The following MFN1 variants were observed in gnomAD, a reference collection of about 807,000 sequenced individuals.
The protein encoded by MFN1 is mitofusin-1.
MFN1 carries 65 observed loss-of-function variants against 92.4 expected under a neutral mutation model. The ratio of observed to expected loss-of-function variants is 0.70; its 90% confidence interval spans 0.58 to 0.86. The LOEUF (loss-of-function observed/expected upper bound fraction) is 0.86, where lower values mean the gene tolerates loss of function less well. Among genes scored for constraint, MFN1 ranks in the 40% least tolerant of loss-of-function variants. MFN1 has a pLI of 0.00. For synonymous variants in MFN1, 297 were observed against 300.9 expected, an observed-to-expected ratio of 0.99 and a Z score of 0.13; for missense variants, 781 against 868.0, an observed-to-expected ratio of 0.90 and a Z score of 1.26.
intron 9 of MFN1, among the ~76,000 whole-genome samples, chr3:179,371,036 C>T (rs1030089426): frequency 4.6e-5 from 7 of 151,956 alleles, no homozygotes; most frequent in Non-Finnish European, 8.8e-5. Flanking sequence ...TTTTTGTAGT[C>T]GTGCAAGATT....
At chr3:179,351,842 A>G (rs1712158238) in intron 2 of MFN1, 58 bp from the exon 3 acceptor site, 1 of 1,503,474 alleles carries the variant, frequency 6.7e-7, no homozygotes, top group Non-Finnish European at 9.1e-7. Context: ...GTATTCCATT[A>G]TATAACTAAC....
intron 3 of MFN1, among the ~76,000 whole-genome samples, chr3:179,352,639 T>C (rs1712191697): frequency 6.6e-6 from 1 of 152,254 alleles, no homozygotes; most frequent in Non-Finnish European, 1.5e-5. Flanking sequence ...AGGCAGCTTA[T>C]GTAAATCTCT....
At chr3:179,389,564 T>G (rs773326145) in intron 16 of MFN1, among the ~76,000 whole-genome samples, 11 of 152,200 alleles carry the variant, frequency 7.2e-5, no homozygotes, top group Non-Finnish European at 1.6e-4. Flanking sequence ...AATATAATGT[T>G]TGCCAAAGTT....
intron 10 of MFN1, among the ~76,000 whole-genome samples, chr3:179,376,064 C>T (rs1252267896): frequency 6.6e-6 from 1 of 152,230 alleles, no homozygotes; most frequent in Non-Finnish European, 1.5e-5. Flanking sequence ...CGCATCAAAG[C>T]TTAAGTCCAA....
At chr3:179,375,730 A>G (rs916551673) in intron 10 of MFN1, among the ~76,000 whole-genome samples, 1 of 152,194 alleles carries the variant, frequency 6.6e-6, no homozygotes, top group Non-Finnish European at 1.5e-5. Context: ...ATACATTGGT[A>G]TTTTGAAATC....
At position 179,348,890 on chromosome 3, in the gene MFN1, G is replaced by C. The variant is rs1243394839; in HGVS notation, c.39G>C (p.Leu13=). Reference sequence around the variant, plus strand: ...TTTCTCCACTGAAGCACTTTGTGCTGGCTAAGAAGGCGATTACTGCAATCT... The same window carrying C: ...TTTCTCCACTGAAGCACTTTGTGCTCGCTAAGAAGGCGATTACTGCAATCT... ...EPVSPLKHFV[L]AKKAITAIFD... is the part of the protein sequence containing the mutation. The change falls in exon 2 of 18, where the codon CTG becomes CTC. Residue 13 remains leucine, a synonymous_variant. Transcript: ENST00000471841. 1 of 1,607,796 alleles carries C rather than the reference G, an allele frequency of 6.2e-7. No homozygotes were observed. Among genetic ancestry groups the C allele is most frequent in the African/African-American group, 1.3e-5 (1 of 74,990 alleles).
At chr3:179,372,034 T>TTA (rs1041648717) in intron 9 of MFN1, among the ~76,000 whole-genome samples, 1 of 146,904 alleles carries the variant, frequency 6.8e-6, no homozygotes, top group South Asian at 2.1e-4. Context: ...AAGACATGTA[T>TTA]TATATATATT....
At chr3:179,388,073 G>T (rs529177131) in intron 16 of MFN1, among the ~76,000 whole-genome samples, 2 of 149,552 alleles carry the variant, frequency 1.3e-5, no homozygotes, top group African/African-American at 4.9e-5. Context: ...TTTTTTAGTA[G>T]AGCCAAGGTT....
chr3:179,357,310 A>C (rs1302331923), intron 3 of MFN1, among the ~76,000 whole-genome samples: 1 of 152,218 alleles, frequency 6.6e-6, no homozygotes, highest in African/African-American at 2.4e-5. Context: ...ATTTCTGTCC[A>C]GACCCCGGCA....
At chr3:179,359,251 G>A (rs1172288166) in intron 4 of MFN1, among the ~76,000 whole-genome samples, 1 of 151,928 alleles carries the variant, frequency 6.6e-6, no homozygotes, top group African/African-American at 2.4e-5. Context: ...CTCCCAAGTA[G>A]CTGGGACTAC....
chr3:179,370,389 G>GTTTTTTTTTT (rs1354406941), intron 9 of MFN1, among the ~76,000 whole-genome samples: 3 of 96,776 alleles, frequency 3.1e-5, no homozygotes, highest in African/African-American at 7.5e-5. Flanking sequence ...CATTCACTAA[G>GTTTTTTTTTT]TTCTTTTTTT....
Position 179,386,519 on chromosome 3 carries a change from C to T in MFN1, c.1902C>T (p.Thr634=), listed in dbSNP as rs2108558292. ...ALYLYERLSW[T]THAKERAFKQ... ...ATCTTTATGAAAGACTGAGCTGGAC[C>T]ACCCATGCCAAGGAGCGAGCCTTTA... Residue 634 remains threonine, a synonymous_variant, in exon 16 of 18, where the codon ACC becomes ACT. Coordinates refer to ENST00000471841, the MANE Select transcript of MFN1 (RefSeq NM_033540.3). The T allele has an allele frequency of 2.5e-6, 4 of 1,613,970 alleles. No individual in the cohort carries two copies. The highest frequency in any genetic ancestry group is 3.4e-6 in the Non-Finnish European group (4 of 1,179,936).
At position 179,377,443 on chromosome 3, in the gene MFN1, A is replaced by G. The variant is rs762235934; in HGVS notation, c.1324A>G (p.Lys442Glu). 3.9e-6 allele frequency: 6 copies of G among 1,546,900 alleles called. No homozygotes were observed. The African/African-American group carries it at 4.1e-5, about 11-fold the overall frequency. Residue 442 changes from lysine to glutamate, a missense_variant, in exon 12 of 18, where the codon AAA (lysine) becomes GAA (glutamate). By Grantham distance (56) the Lys-to-Glu change is moderately conservative (BLOSUM62 1). Transcript: ENST00000471841. The stretch of plus-strand genomic sequence containing the variant: ...TAATCCAGATGTATTAAAAATATAT[A>G]AAAGTGTAAGTTAAAGTATAGATAA... ...HPNPDVLKIY[K>E]SELNKHIEDG... is the part of the protein sequence containing the mutation.
At chr3:179,376,910 T>G in intron 10 of MFN1, 132 bp from the exon 11 acceptor site, 2 of 754,220 alleles carry the variant, frequency 2.7e-6, no homozygotes, top group Non-Finnish European at 4.1e-6. Context: ...CTTGAATCCT[T>G]TGAGATGTTA....
At chr3:179,363,502 T>TG (rs1473998459) in intron 5 of MFN1, among the ~76,000 whole-genome samples, 1 of 152,162 alleles carries the variant, frequency 6.6e-6, no homozygotes, top group Non-Finnish European at 1.5e-5. Flanking sequence ...TGATTTTTTT[T>TG]TTTTTCGGAG....
intron 9 of MFN1, 50 bp from the exon 10 acceptor site, chr3:179,375,170 A>C: frequency 6.7e-7 from 1 of 1,496,258 alleles, no homozygotes; most frequent in Non-Finnish European, 8.9e-7. Context: ...AATTCCTGAA[A>C]ATGTTGCGAT....
chr3:179,379,272 C>T (rs1713374689), intron 14 of MFN1, among the ~76,000 whole-genome samples: 1 of 152,220 alleles, frequency 6.6e-6, no homozygotes, highest in African/African-American at 2.4e-5. Context: ...GGGGCCAAGA[C>T]CTTTGTGCAT....
rs568945166 is a variant in MFN1, at chr3:179,370,436, C to G, written c.975+2333C>G. On this transcript the variant is annotated intron_variant, in intron 9 of 17. Coordinates refer to ENST00000471841, the MANE Select transcript of MFN1 (RefSeq NM_033540.3). ...TTTTTGAGACAGAGTCTCGCTCTGTCGCCGCCAGGCTGGAATGAGGGAGTG... is the reference window on the plus strand; with the variant it reads ...TTTTTGAGACAGAGTCTCGCTCTGTGGCCGCCAGGCTGGAATGAGGGAGTG... Among the ~76,000 whole-genome samples, 18 of 121,978 alleles carry G rather than the reference C, an allele frequency of 1.5e-4. No homozygotes were observed. The East Asian group carries it at 4.7e-3, about 32-fold the overall frequency. The allele number at this position is 121,978 out of a possible 152,430, so 80.0% of individuals were successfully genotyped here.
At chr3:179,360,173 C>G (rs556868465) in intron 4 of MFN1, among the ~76,000 whole-genome samples, 56 of 152,324 alleles carry the variant, frequency 3.7e-4, no homozygotes, top group African/African-American at 1.3e-3. Context: ...GCCTTGGCCT[C>G]CCAAAGTGCT....
Sources: allele counts gnomAD v4.1 joint callset (sites outside exome capture counted in the v4.1 genomes callset), GRCh38; gene constraint gnomAD v4.1.1; transcripts MANE v1.5; gene names NCBI Gene and HGNC (gene_info 2026-07-23, HGNC 2026-07-21).